DDX23: variants seen among roughly 807,000 people sequenced by gnomAD.
DDX23 encodes the protein DEAD-box helicase 23.
DDX23 carries 33 observed loss-of-function variants against 102.7 expected under a neutral mutation model. The observed-to-expected ratio is 0.32, with a 90% CI of 0.24 to 0.43. The LOEUF is 0.43. Ranked by LOEUF, DDX23 falls within the 20% of genes least tolerant of loss-of-function variation. DDX23 has a pLI of 1.00. For missense variants in DDX23, 549 were observed against 1,086.6 expected, an observed-to-expected ratio of 0.51 and a Z score of 6.96; for synonymous variants, 352 against 376.0, an observed-to-expected ratio of 0.94 and a Z score of 0.74.
intron 3 of DDX23, among the ~76,000 whole-genome samples, chr12:48,841,044 C>G (rs895836862): frequency 2.0e-5 from 3 of 152,178 alleles, no homozygotes; most frequent in Non-Finnish European, 4.4e-5. Flanking sequence ...TAGGAGCATT[C>G]TGTCCTCTGC....
chr12:48,841,267 T>C (rs1938546404), intron 3 of DDX23, among the ~76,000 whole-genome samples: 1 of 152,128 alleles, frequency 6.6e-6, no homozygotes, highest in Non-Finnish European at 1.5e-5. Context: ...ATGCCTGTAT[T>C]CCCAGCTACT....
intron 1 of DDX23, among the ~76,000 whole-genome samples, chr12:48,847,522 A>G (rs1356947943): frequency 6.6e-6 from 1 of 151,902 alleles, no homozygotes; most frequent in Non-Finnish European, 1.5e-5. Flanking sequence ...CAAAAAAAAA[A>G]AAAAAGAAAG....
At chr12:48,833,561 C>T (rs749971158) in intron 12 of DDX23, 42 bp from the exon 13 acceptor site, 2 of 1,595,900 alleles carry the variant, frequency 1.3e-6, no homozygotes, top group African/African-American at 2.7e-5. Flanking sequence ...AGCAGGTGCC[C>T]CTTCTTTTCT....
intron 1 of DDX23, among the ~76,000 whole-genome samples, chr12:48,846,852 G>C (rs1938676394): frequency 6.6e-6 from 1 of 152,162 alleles, no homozygotes; most frequent in African/African-American, 2.4e-5. Context: ...CTACCTGGGA[G>C]ACACCGAACA....
chr12:48,837,703 AAG>A, intron 6 of DDX23, 46 bp from the exon 7 acceptor site: 1 of 1,610,360 alleles, frequency 6.2e-7, no homozygotes, highest in Non-Finnish European at 8.5e-7. Flanking sequence ...CATGGAAGAA[AAG>A]AGGAGAGGGA....
chr12:48,842,680 G>A (rs1467755312), intron 3 of DDX23, among the ~76,000 whole-genome samples: 1 of 148,368 alleles, frequency 6.7e-6, no homozygotes, highest in African/African-American at 2.5e-5. Flanking sequence ...AGGTGGGGGG[G>A]TCAGCCCCCC....
In DDX23 at chr12:48,845,604, C is replaced by T. The variant is rs370938074; in HGVS notation, c.179G>A (p.Arg60His). 14 of 1,614,110 alleles carry T rather than the reference C, an allele frequency of 8.7e-6. No homozygotes were observed. The highest frequency in any genetic ancestry group is 6.6e-5 in the South Asian group (6 of 91,088). ...RDRRRGGSRS[R>H]SRSRSKSAER... ...TGCAGATTTGGAACGGGAACGAGAG[C>T]GAGAACGGCTGCCTCCTCGACGTCT... The change falls in exon 2 of 17, where the codon CGC (arginine) becomes CAC (histidine). Residue 60 changes from arginine to histidine, a missense_variant. Around this residue, in one of 4 missense-constraint regions of DDX23, gnomAD observed 241 missense variants for 267.0 expected, o/e 0.90. Transcript: ENST00000308025.
At chr12:48,845,442 G>A in intron 2 of DDX23, 132 bp downstream of exon 2, 1 of 1,044,834 alleles carries the variant, frequency 9.6e-7, no homozygotes, top group South Asian at 1.6e-5. Context: ...GTAACAAACA[G>A]AGCGAGACTC....
At chr12:48,841,785 T>A (rs576288526) in intron 3 of DDX23, among the ~76,000 whole-genome samples, 2 of 152,274 alleles carry the variant, frequency 1.3e-5, no homozygotes, top group East Asian at 3.9e-4. Flanking sequence ...CAGGCTGGAG[T>A]GCAGTGGCGT....
At chr12:48,843,509 C>CAACAGA (rs1938606960) in intron 3 of DDX23, among the ~76,000 whole-genome samples, 1 of 150,194 alleles carries the variant, frequency 6.7e-6, no homozygotes, top group Admixed American at 6.6e-5. Context: ...TAATAACTAC[C>CAACAGA]AACAGAATCT....
chr12:48,850,226 A>G (rs1938734959), intron 1 of DDX23, among the ~76,000 whole-genome samples: 1 of 152,208 alleles, frequency 6.6e-6, no homozygotes, highest in African/African-American at 2.4e-5. Flanking sequence ...AGGCAGCGTC[A>G]GAGTATATTT....
At position 48,832,160 on chromosome 12, in the gene DDX23, T is replaced by C. The variant is rs1327602531; in HGVS notation, c.1982A>G (p.Gln661Arg). Reference protein sequence around the residue: ...KRKKLLAILEQGFDPPIIIFV... With the variant: ...KRKKLLAILERGFDPPIIIFV... ...AATAATGATGGGTGGGTCAAAGCCTTGCTCCAAGATTGCCAGCAGCTTTTT... is the reference window on the plus strand; with the variant it reads ...AATAATGATGGGTGGGTCAAAGCCTCGCTCCAAGATTGCCAGCAGCTTTTT... The change falls in exon 15 of 17, where the codon CAA becomes CGA. Residue 661 changes from glutamine (Q) to arginine (R), a missense_variant. Transcript: ENST00000308025. This position sits in a 1 kb window ranked among gnomAD's most constrained non-coding sequence, Gnocchi z 4.4. 1.9e-6 allele frequency: 3 copies of C among 1,613,850 alleles called. No homozygotes were observed. The African/African-American group carries it at 4.0e-5, about 22-fold the overall frequency.
Position 48,832,149 on chromosome 12 carries a change from G to A in DDX23, c.1993C>T (p.Pro665Ser). The A allele has an allele frequency of 1.2e-6, 2 of 1,613,778 alleles. No homozygotes were observed. Reference sequence around the variant, plus strand: ...TGGTTGACAAAAATAATGATGGGTGGGTCAAAGCCTTGCTCCAAGATTGCC... The same window carrying A: ...TGGTTGACAAAAATAATGATGGGTGAGTCAAAGCCTTGCTCCAAGATTGCC... Reference protein sequence around the residue: ...LLAILEQGFDPPIIIFVNQKK... With the variant: ...LLAILEQGFDSPIIIFVNQKK... Residue 665 changes from proline to serine, a missense_variant, in exon 15 of 17, where the codon CCA (proline) becomes TCA (serine). Pro to Ser is a moderately conservative substitution (Grantham distance 74). Transcript: ENST00000308025. The surrounding 1 kb of genome is among the most constrained non-coding windows in gnomAD (Gnocchi z 4.4).
Position 48,830,219 on chromosome 12 carries a change from G to C in DDX23, c.*250C>G, listed in dbSNP as rs1938362665. The C allele has an allele frequency of 1.6e-6, 1 of 625,006 alleles. No individual in the cohort carries two copies. The highest frequency in any genetic ancestry group is 3.0e-6 in the Non-Finnish European group (1 of 336,346). 38.7% of individuals were successfully genotyped at this position (625,006 alleles called of 1,614,324 possible). A position where few individuals can be genotyped will look rare whatever the true frequency, so the allele number is the denominator to read the frequency against. Reference sequence around the variant, plus strand: ...GCTGATGGCCCAGTGCAATCCCAAAGCAAAGAAGGGCAGAACTGGGCCAAG... The same window carrying C: ...GCTGATGGCCCAGTGCAATCCCAAACCAAAGAAGGGCAGAACTGGGCCAAG... On this transcript the variant is annotated 3_prime_UTR_variant, in exon 17 of 17. Transcript: ENST00000308025. The surrounding 1 kb of genome is among the most constrained non-coding windows in gnomAD (Gnocchi z 4.9).
At chr12:48,834,706 G>A (rs891815696) in intron 11 of DDX23, 2 of 460,658 alleles carry the variant, frequency 4.3e-6, no homozygotes, top group Admixed American at 8.0e-5. Context: ...GGCTGAGGCA[G>A]GCGGATCACC....
intron 3 of DDX23, among the ~76,000 whole-genome samples, chr12:48,842,763 C>T (rs1355428595): frequency 5.3e-5 from 8 of 152,146 alleles, no homozygotes; most frequent in Non-Finnish European, 1.2e-4. Context: ...AGTGAGGAGC[C>T]CCTCTGCCCG....
intron 11 of DDX23, chr12:48,835,127 C>A: frequency 9.1e-6 from 2 of 220,174 alleles, no homozygotes; most frequent in South Asian, 5.1e-5. Flanking sequence ...CACCTGTAAT[C>A]CCAGCTACTT....
intron 3 of DDX23, among the ~76,000 whole-genome samples, chr12:48,842,185 G>A (rs1266309389): frequency 6.4e-5 from 8 of 125,194 alleles, no homozygotes; most frequent in East Asian, 5.7e-4. Flanking sequence ...GGGGGGGTTA[G>A]CTCCCCACCC....
chr12:48,851,707 AAAT>A (rs1938762343), intron 1 of DDX23, among the ~76,000 whole-genome samples: 1 of 152,234 alleles, frequency 6.6e-6, no homozygotes, highest in African/African-American at 2.4e-5. Context: ...CCGGCAAAAG[AAAT>A]AATACGGCCG....
Sources: gnomAD v4.1 joint callset for allele counts (sites outside exome capture counted in the v4.1 genomes callset) on GRCh38, gnomAD v4.1.1 for gene constraint, gnomAD v4.1.1 regional missense constraint, Gnocchi (gnomAD v3.1) non-coding constraint, MANE v1.5 for transcripts, NCBI Gene and HGNC (gene_info 2026-07-23, HGNC 2026-07-21) for gene names.